GTF2F2: variants seen among roughly 807,000 people sequenced by gnomAD.
The protein encoded by GTF2F2 is ATP-dependent helicase GTF2F2.
Under a neutral mutation model 42.2 loss-of-function variants are expected in GTF2F2, and 23 were observed. The observed-to-expected ratio is 0.55, with a 90% CI of 0.39 to 0.77. GTF2F2 has a LOEUF of 0.77. Among genes scored for constraint, GTF2F2 ranks in the 30% least tolerant of loss-of-function variants. The pLI is 0.00. For synonymous variants in GTF2F2, 105 were observed against 100.8 expected (o/e 1.04, Z -0.25); for missense variants, 261 against 287.2 (o/e 0.91, Z 0.66).
chr13:45,156,251 C>G (rs536926582), intron 4 of GTF2F2, among the ~76,000 whole-genome samples: 3 of 152,294 alleles, frequency 2.0e-5, no homozygotes, highest in African/African-American at 4.8e-5. Context: ...TACAAATGCT[C>G]TAATGGAGAT....
intron 7 of GTF2F2, among the ~76,000 whole-genome samples, chr13:45,276,497 C>T (rs1035722878): frequency 6.6e-6 from 1 of 150,998 alleles, no homozygotes; most frequent in South Asian, 2.1e-4. Flanking sequence ...GGTGCAATGG[C>T]ATGATCTCGG....
chr13:45,200,000 C>CT (rs1292232415), intron 4 of GTF2F2, among the ~76,000 whole-genome samples: 2 of 151,932 alleles, frequency 1.3e-5, no homozygotes, highest in Non-Finnish European at 2.9e-5. Flanking sequence ...ATGGAGAACT[C>CT]TATCATATCA....
At chr13:45,173,606 T>C (rs1468715928) in intron 4 of GTF2F2, among the ~76,000 whole-genome samples, 2 of 145,638 alleles carry the variant, frequency 1.4e-5, no homozygotes, top group Admixed American at 1.4e-4. Flanking sequence ...TTTTTATAAC[T>C]TTGTCATTTT....
rs942051249 is a variant in GTF2F2 at position 45,199,160 on chromosome 13, A to G, written c.305-8264A>G. ...CCTCTGGCCACAAGGTCGTGTGAAC[A>G]TGTCATTGCAGTCCAAAGAATACAG... On this transcript the variant is annotated intron_variant, in intron 4 of 7. Transcript: ENST00000340473. Among the ~76,000 whole-genome samples the G allele has an allele frequency of 5.9e-5, 9 of 152,374 alleles. 1 individual carries two copies. The highest frequency in any genetic ancestry group is 2.2e-4 in the African/African-American group (9 of 41,590).
chr13:45,245,822 T>C (rs1387362803), intron 5 of GTF2F2, among the ~76,000 whole-genome samples: 1 of 143,992 alleles, frequency 6.9e-6, no homozygotes, highest in African/African-American at 2.5e-5. Flanking sequence ...GTGCCTGCAG[T>C]CCCAGCTACT....
chr13:45,279,096 T>G (rs1877153288), intron 7 of GTF2F2, among the ~76,000 whole-genome samples: 1 of 152,154 alleles, frequency 6.6e-6, no homozygotes, highest in African/African-American at 2.4e-5. Context: ...GTGCTGGGAT[T>G]ACAGGCGTGA....
At chr13:45,245,244 G>A (rs564850210) in intron 5 of GTF2F2, among the ~76,000 whole-genome samples, 4 of 152,144 alleles carry the variant, frequency 2.6e-5, no homozygotes, top group East Asian at 1.9e-4. Context: ...TCTACCCTGC[G>A]TAGGTTATAG....
chr13:45,125,343 C>T (rs932124358), intron 1 of GTF2F2, among the ~76,000 whole-genome samples: 28 of 151,666 alleles, frequency 1.8e-4, no homozygotes, highest in African/African-American at 6.5e-4. Context: ...TTTTTTGAGA[C>T]GGAGTGTCGC....
At chr13:45,236,935 TA>T (rs1399580498) in intron 5 of GTF2F2, among the ~76,000 whole-genome samples, 5 of 152,268 alleles carry the variant, frequency 3.3e-5, no homozygotes, top group Admixed American at 2.0e-4. Context: ...TGAGACTAGT[TA>T]AAAAAATGGT....
At chr13:45,176,597 T>G (rs1871887728) in intron 4 of GTF2F2, among the ~76,000 whole-genome samples, 1 of 152,166 alleles carries the variant, frequency 6.6e-6, no homozygotes, top group East Asian at 1.9e-4. Context: ...CTTAAAGGTA[T>G]TTTTTGATGA....
chr13:45,192,411 C>T (rs1004613323), intron 4 of GTF2F2, among the ~76,000 whole-genome samples: 1 of 152,052 alleles, frequency 6.6e-6, no homozygotes, highest in Non-Finnish European at 1.5e-5. Flanking sequence ...TTTACTTATT[C>T]TAAGTTTTTA....
At chr13:45,134,041 G>C (rs2138096698) in intron 1 of GTF2F2, among the ~76,000 whole-genome samples, 1 of 152,342 alleles carries the variant, frequency 6.6e-6, no homozygotes, top group South Asian at 2.1e-4. Flanking sequence ...AGGGGATACT[G>C]TTGTTGAGAA....
chr13:45,225,063 G>A (rs1874273141), intron 5 of GTF2F2, among the ~76,000 whole-genome samples: 1 of 152,196 alleles, frequency 6.6e-6, no homozygotes, highest in Non-Finnish European at 1.5e-5. Context: ...CAGATTCCAT[G>A]GCCTGGCCCT....
chr13:45,191,904 T>A (rs1458511067), intron 4 of GTF2F2, among the ~76,000 whole-genome samples: 1 of 152,150 alleles, frequency 6.6e-6, no homozygotes, highest in Non-Finnish European at 1.5e-5. Flanking sequence ...AAACCTTACT[T>A]GTAATGCTTC....
At chr13:45,194,461 G>A in intron 4 of GTF2F2, 1 of 1,614,050 alleles carries the variant, frequency 6.2e-7, no homozygotes, top group African/African-American at 1.3e-5. Flanking sequence ...AACGTTGAGG[G>A]TCATCAGTGT....
intron 7 of GTF2F2, 62 bp from the exon 8 acceptor site, chr13:45,283,380 A>T: frequency 2.0e-5 from 29 of 1,460,528 alleles, no homozygotes; most frequent in South Asian, 5.2e-5. Context: ...ATATCATCTT[A>T]TTTTAAGTTT....
intron 1 of GTF2F2, among the ~76,000 whole-genome samples, chr13:45,125,833 A>G (rs1316968288): frequency 6.6e-6 from 1 of 152,154 alleles, no homozygotes; most frequent in African/African-American, 2.4e-5. Context: ...ATCAGCATGT[A>G]TGGAAGGAAA....
chr13:45,249,865 A>G (rs1875801601), intron 5 of GTF2F2, among the ~76,000 whole-genome samples: 1 of 152,056 alleles, frequency 6.6e-6, no homozygotes, highest in African/African-American at 2.4e-5. Flanking sequence ...ACAGGCTGAC[A>G]CTTACTTGTG....
intron 5 of GTF2F2, among the ~76,000 whole-genome samples, chr13:45,226,534 A>G (rs756866077): frequency 5.3e-5 from 8 of 152,172 alleles, no homozygotes; most frequent in Non-Finnish European, 1.2e-4. Context: ...TTGTAGCTTA[A>G]TATATTTTAA....
Sources: gnomAD v4.1 joint callset for allele counts (sites outside exome capture counted in the v4.1 genomes callset) on GRCh38, gnomAD v4.1.1 for gene constraint, MANE v1.5 for transcripts, NCBI Gene and HGNC (gene_info 2026-07-23, HGNC 2026-07-21) for gene names.